The following CMTM7 variants were observed in gnomAD, a reference collection of about 807,000 sequenced individuals.
CMTM7 encodes CKLF-like MARVEL transmembrane domain-containing protein 7.
CMTM7 carries 7 observed loss-of-function variants against 19.3 expected under a neutral mutation model. That is an observed-to-expected ratio of 0.36 (90% CI 0.21 to 0.68). The LOEUF is 0.68. CMTM7 is among the 30% of genes least tolerant of loss of function. The probability of loss-of-function intolerance (pLI) is 0.60; values close to 1 mark genes in which losing one functional copy is unlikely to be tolerated. For synonymous variants in CMTM7, 87 were observed against 99.3 expected (o/e 0.88, Z 0.74); for missense variants, 193 against 232.6 (o/e 0.83, Z 1.11).
chr3:32,446,234 G>A (rs997833143), intron 2 of CMTM7, among the ~76,000 whole-genome samples: 2 of 152,074 alleles, frequency 1.3e-5, no homozygotes, highest in Non-Finnish European at 1.5e-5. Flanking sequence ...GTCAATTTTA[G>A]TAGTATATAT....
chr3:32,421,885 C>A (rs778804358), intron 1 of CMTM7, among the ~76,000 whole-genome samples: 4 of 152,194 alleles, frequency 2.6e-5, no homozygotes, highest in African/African-American at 4.8e-5. Context: ...TGAATTAGTT[C>A]ATTTAATCCT....
rs370090758 is a variant in CMTM7, at chr3:32,414,525, C to A, written c.159+22460C>A. 1.4e-3 allele frequency among the ~76,000 whole-genome samples: 215 copies of A among 152,268 alleles called. No individual in the cohort carries two copies. The South Asian group carries it at 0.018, about 13-fold the overall frequency. ...CTCTAAGTCAATGTCAATCTCCATC[C>A]CTGGGGCAAGGGGAGAGGTGAAGAA... On this transcript the variant is annotated intron_variant, in intron 1 of 4. Transcript: ENST00000334983.
chr3:32,393,289 A>T (rs1695866283), intron 1 of CMTM7, among the ~76,000 whole-genome samples: 1 of 152,220 alleles, frequency 6.6e-6, no homozygotes, highest in Non-Finnish European at 1.5e-5. Flanking sequence ...AACTAGGAAG[A>T]GCCATTTCAG....
intron 4 of CMTM7, among the ~76,000 whole-genome samples, chr3:32,453,367 T>C (rs7627751): frequency 1.3e-5 from 2 of 152,122 alleles, no homozygotes; most frequent in Admixed American, 1.3e-4. Context: ...TCTCTGAAAA[T>C]ATATATATCT....
intron 1 of CMTM7, among the ~76,000 whole-genome samples, chr3:32,405,848 G>A (rs768192920): frequency 3.3e-4 from 50 of 152,214 alleles, no homozygotes; most frequent in Non-Finnish European, 6.3e-4. Context: ...GTGTTTTCTT[G>A]GAGCAAGTCC....
intron 2 of CMTM7, among the ~76,000 whole-genome samples, chr3:32,444,351 G>T (rs1039696590): frequency 6.6e-6 from 1 of 152,180 alleles, no homozygotes; most frequent in African/African-American, 2.4e-5. Context: ...CACCCTTGTT[G>T]AAATCAGTTG....
At chr3:32,402,554 T>A (rs894307668) in intron 1 of CMTM7, among the ~76,000 whole-genome samples, 2 of 152,202 alleles carry the variant, frequency 1.3e-5, no homozygotes, top group Admixed American at 1.3e-4. Context: ...TATTCTATTT[T>A]GTTTATTTTA....
intron 1 of CMTM7, among the ~76,000 whole-genome samples, chr3:32,420,837 C>A (rs1042222496): frequency 6.6e-6 from 1 of 152,234 alleles, no homozygotes; most frequent in African/African-American, 2.4e-5. Context: ...GCAAGGCCTG[C>A]TGCCTGCTTG....
intron 1 of CMTM7, among the ~76,000 whole-genome samples, chr3:32,419,808 G>C (rs1258488380): frequency 1.3e-5 from 2 of 152,116 alleles, no homozygotes; most frequent in East Asian, 3.9e-4. Context: ...TTGATAGCCT[G>C]GAGTTTCTCT....
chr3:32,448,042 A>G (rs1297096009), intron 2 of CMTM7, among the ~76,000 whole-genome samples: 1 of 152,132 alleles, frequency 6.6e-6, no homozygotes, highest in Non-Finnish European at 1.5e-5. Flanking sequence ...TACCTGATGC[A>G]GATACTGAAC....
chr3:32,430,681 A>ATGTGTGTG (rs35054129), intron 1 of CMTM7, among the ~76,000 whole-genome samples: 4,133 of 133,960 alleles, frequency 0.031, 86 homozygotes, highest in Middle Eastern at 0.041. Flanking sequence ...CTACATCTGA[A>ATGTGTGTG]TGTGTGTGTG....
At chr3:32,402,004 C>T (rs912723404) in intron 1 of CMTM7, among the ~76,000 whole-genome samples, 56 of 152,256 alleles carry the variant, frequency 3.7e-4, no homozygotes, top group African/African-American at 1.4e-3. Context: ...GGCAGTGACG[C>T]GGCTCTTCCT....
intron 1 of CMTM7, among the ~76,000 whole-genome samples, chr3:32,404,325 T>C (rs1029753862): frequency 6.6e-6 from 1 of 152,030 alleles, no homozygotes; most frequent in East Asian, 1.9e-4. Flanking sequence ...CATGCCCTGC[T>C]AATTTTTGTA....
At position 32,449,033 on chromosome 3, in the gene CMTM7, T is replaced by G. The variant is rs1229309204; in HGVS notation, c.334-421T>G. Among the ~76,000 whole-genome samples, 1 of 152,210 alleles carries G rather than the reference T, an allele frequency of 6.6e-6. No homozygotes were observed. Among genetic ancestry groups the G allele is most frequent in the Non-Finnish European group, 1.5e-5 (1 of 68,038 alleles). On this transcript the variant is annotated intron_variant, in intron 2 of 4. Coordinates refer to ENST00000334983, the MANE Select transcript of CMTM7 (RefSeq NM_138410.4). This position sits in a 1 kb window ranked among gnomAD's most constrained non-coding sequence, Gnocchi z 4.5. ...GAAGCAGAAGAGAAAGGCAAATATC[T>G]CTTTAAGGTACTTTGCTTCTCCGAG...
intron 1 of CMTM7, among the ~76,000 whole-genome samples, chr3:32,424,306 G>T (rs1424010386): frequency 6.6e-6 from 1 of 152,212 alleles, no homozygotes; most frequent in Non-Finnish European, 1.5e-5. Context: ...GGACCAGAAA[G>T]AACTGGTATT....
At chr3:32,440,117 G>A (rs1450782312) in intron 1 of CMTM7, among the ~76,000 whole-genome samples, 1 of 150,106 alleles carries the variant, frequency 6.7e-6, no homozygotes, top group Admixed American at 6.6e-5. Flanking sequence ...TTTAAGACTC[G>A]CTGCTCTGGC....
At chr3:32,424,736 C>G (rs1696402766) in intron 1 of CMTM7, among the ~76,000 whole-genome samples, 1 of 152,012 alleles carries the variant, frequency 6.6e-6, no homozygotes, top group South Asian at 2.1e-4. Flanking sequence ...TCTCAACCTC[C>G]CAGGCCTCCA....
chr3:32,446,194 A>G (rs541821138), intron 2 of CMTM7, among the ~76,000 whole-genome samples: 8 of 152,314 alleles, frequency 5.3e-5, no homozygotes, highest in African/African-American at 1.7e-4. Context: ...TAATTTTACC[A>G]TCTTTTCAGA....
intron 1 of CMTM7, among the ~76,000 whole-genome samples, chr3:32,430,611 C>T (rs376473860): frequency 4.0e-5 from 6 of 151,684 alleles, no homozygotes; most frequent in Admixed American, 1.3e-4. Context: ...GAGGCAGCCT[C>T]GATGGGATGT....
Sources: allele counts gnomAD v4.1 joint callset (sites outside exome capture counted in the v4.1 genomes callset), GRCh38; gene constraint gnomAD v4.1.1; non-coding constraint Gnocchi (gnomAD v3.1); transcripts MANE v1.5; gene names NCBI Gene and HGNC (gene_info 2026-07-23, HGNC 2026-07-21).